The following TTC39B variants were observed in gnomAD, a reference collection of about 807,000 sequenced individuals.
The protein encoded by TTC39B is tetratricopeptide repeat domain 39B.
In TTC39B, 92 loss-of-function variants were observed where a neutral mutation model predicts 96.6. That is an observed-to-expected ratio of 0.95 (90% CI 0.80 to 1.13). The LOEUF (loss-of-function observed/expected upper bound fraction) is 1.13, where lower values mean the gene tolerates loss of function less well. TTC39B is among the 50% of genes most tolerant of loss of function. The pLI, the probability that TTC39B is intolerant of heterozygous loss-of-function variation, is 0.00. For missense variants in TTC39B, 955 were observed against 809.3 expected, an observed-to-expected ratio of 1.18 and a Z score of -2.18; for synonymous variants, 367 against 299.4, an observed-to-expected ratio of 1.23 and a Z score of -2.33.
chr9:15,190,588 G>T, exon 11 of TTC39B: 1 of 1,614,156 alleles, frequency 6.2e-7, no homozygotes, highest in East Asian at 2.2e-5. Flanking sequence ...GAAAAGCTAA[G>T]ATGGTTAAGC....
At chr9:15,189,594 G>A (rs1818736902) in exon 13 of TTC39B, 1 of 1,614,104 alleles carries the variant, frequency 6.2e-7, no homozygotes, top group Non-Finnish European at 8.5e-7. Context: ...TTCCCTTTCA[G>A]CAACTCTATT....
chr9:15,216,833 T>A (rs569674676), intron 3 of TTC39B, among the ~76,000 whole-genome samples: 1 of 152,318 alleles, frequency 6.6e-6, no homozygotes, highest in African/African-American at 2.4e-5. Context: ...TCAAAGAGCT[T>A]TCATTCTACT....
In TTC39B at chr9:15,250,480, G is replaced by A. The variant is rs576461096; in HGVS notation, c.275+17434C>T. Among the ~76,000 whole-genome samples the A allele has an allele frequency of 1.7e-3, 254 of 151,480 alleles. 1 individual carries two copies. Among genetic ancestry groups the A allele is most frequent in the African/African-American group, 5.5e-3 (228 of 41,332 alleles). On this transcript the variant is annotated intron_variant, in intron 2 of 19. Coordinates refer to ENST00000512701, the Ensembl canonical transcript of TTC39B. The stretch of plus-strand genomic sequence containing the variant: ...GTAGGCTGTTATTGCCGACTGAGAC[G>A]CAGATTTTATATCATGGACTTTAAA...
intron 1 of TTC39B, among the ~76,000 whole-genome samples, chr9:15,278,424 C>T (rs902890943): frequency 6.6e-6 from 1 of 151,970 alleles, no homozygotes; most frequent in East Asian, 1.9e-4. Flanking sequence ...AATTATTTTA[C>T]TCTCCTGTGC....
chr9:15,251,278 A>C (rs1026427260), intron 2 of TTC39B, among the ~76,000 whole-genome samples: 1 of 152,040 alleles, frequency 6.6e-6, no homozygotes, highest in African/African-American at 2.4e-5. Context: ...AGAGCTAAAA[A>C]ACAAAGAAGA....
At position 15,306,936 on chromosome 9, in the gene TTC39B, GGGCGCCCCCACCC is replaced by G. The variant is rs1226577502; in HGVS notation, c.240+135_240+147del. On this transcript the variant is annotated intron_variant, in intron 1 of 19. Coordinates refer to ENST00000512701, the Ensembl canonical transcript of TTC39B. The surrounding 1 kb of genome is among the most constrained non-coding windows in gnomAD (Gnocchi z 5.1). Reference sequence around the variant, plus strand: ...CAGCGGGGACAGACCTACCAAGGCCGGGCGCCCCCACCCGGCGCCCGCCAGCCCACCCCAGAGA... The same window carrying G: ...CAGCGGGGACAGACCTACCAAGGCCGGGCGCCCGCCAGCCCACCCCAGAGA... 2.7e-6 allele frequency: 3 copies of G among 1,129,978 alleles called. No homozygotes were observed. Among genetic ancestry groups the G allele is most frequent in the Non-Finnish European group, 3.7e-6 (3 of 810,928 alleles). 70.0% of individuals were successfully genotyped at this position (1,129,978 alleles called of 1,614,324 possible).
chr9:15,279,681 G>C (rs565482817), intron 1 of TTC39B, among the ~76,000 whole-genome samples: 2 of 152,106 alleles, frequency 1.3e-5, no homozygotes, highest in South Asian at 4.1e-4. Context: ...CTCGTGAGTG[G>C]CACTGTGTGC....
At chr9:15,164,834 A>G (rs983521842) in exon 20 of TTC39B, 7 of 152,246 alleles carry the variant, frequency 4.6e-5, no homozygotes, top group Non-Finnish European at 7.3e-5. Context: ...TCTGGACCAT[A>G]CATATCAGTG....
At chr9:15,275,592 A>C (rs1354983437) in intron 1 of TTC39B, among the ~76,000 whole-genome samples, 1 of 152,150 alleles carries the variant, frequency 6.6e-6, no homozygotes, top group Non-Finnish European at 1.5e-5. Context: ...CTTCTGGGAG[A>C]AGGAGGATAC....
intron 2 of TTC39B, among the ~76,000 whole-genome samples, chr9:15,252,895 T>G (rs776036835): frequency 7.2e-5 from 11 of 152,372 alleles, no homozygotes; most frequent in Admixed American, 5.2e-4. Flanking sequence ...AAGAGTTTCT[T>G]AGCTTTTTCT....
At chr9:15,243,690 A>G (rs1041989483) in intron 2 of TTC39B, among the ~76,000 whole-genome samples, 5 of 152,200 alleles carry the variant, frequency 3.3e-5, no homozygotes, top group African/African-American at 1.2e-4. Flanking sequence ...CAGGAGGATC[A>G]CTTGAGCCCA....
chr9:15,269,521 T>C (rs1586984415), intron 1 of TTC39B, among the ~76,000 whole-genome samples: 1 of 152,174 alleles, frequency 6.6e-6, no homozygotes, highest in East Asian at 1.9e-4. Context: ...CATACTGGAT[T>C]CTGCGGTGAG....
chr9:15,177,360 A>AG (rs1817996995), intron 18 of TTC39B, among the ~76,000 whole-genome samples: 1 of 152,148 alleles, frequency 6.6e-6, no homozygotes, highest in Admixed American at 6.5e-5. Context: ...AGAAAAGAAA[A>AG]ACTAAAGAAA....
intron 7 of TTC39B, among the ~76,000 whole-genome samples, chr9:15,203,372 T>G (rs1358851928): frequency 2.6e-5 from 4 of 151,680 alleles, no homozygotes; most frequent in Non-Finnish European, 5.9e-5. Context: ...TGCCTCAGCC[T>G]CCCGGGTAGC....
In TTC39B at chr9:15,257,062, T is replaced by C. The variant is rs138104200; in HGVS notation, c.275+10852A>G. Among the ~76,000 whole-genome samples, 86 of 152,340 alleles carry C rather than the reference T, an allele frequency of 5.6e-4. 1 individual carries two copies. The highest frequency in any genetic ancestry group is 2.0e-3 in the African/African-American group (83 of 41,580). ...CGGAGAAATTTGAGCACTGACCAGT[T>C]ACTGGACGGATATTATTATGTTTTA... On this transcript the variant is annotated intron_variant, in intron 2 of 19. Transcript: ENST00000512701.
At chr9:15,207,140 T>G (rs533492645) in intron 6 of TTC39B, among the ~76,000 whole-genome samples, 6 of 152,234 alleles carry the variant, frequency 3.9e-5, no homozygotes, top group Non-Finnish European at 7.4e-5. Context: ...GAACTATGAG[T>G]CAATTAAACC....
chr9:15,285,217 C>T (rs575945632), intron 1 of TTC39B, among the ~76,000 whole-genome samples: 5 of 150,696 alleles, frequency 3.3e-5, no homozygotes, highest in South Asian at 2.1e-4. Context: ...TGCAGTGAGC[C>T]GAGATCACGC....
chr9:15,221,763 A>ATAT (rs1820855706), intron 3 of TTC39B, among the ~76,000 whole-genome samples: 4 of 152,234 alleles, frequency 2.6e-5, no homozygotes, highest in African/African-American at 9.6e-5. Flanking sequence ...CACTTAGTCT[A>ATAT]CATAACCAAA....
At chr9:15,234,591 G>C (rs1243626029) in intron 2 of TTC39B, among the ~76,000 whole-genome samples, 1 of 152,106 alleles carries the variant, frequency 6.6e-6, no homozygotes, top group Non-Finnish European at 1.5e-5. Context: ...ATAGAAAGAG[G>C]GGAAAGGTGG....
Sources: allele counts gnomAD v4.1 joint callset (sites outside exome capture counted in the v4.1 genomes callset), GRCh38; gene constraint gnomAD v4.1.1; non-coding constraint Gnocchi (gnomAD v3.1); transcripts MANE v1.5; gene names NCBI Gene and HGNC (gene_info 2026-07-23, HGNC 2026-07-21).